SYT17: variants seen among roughly 807,000 people sequenced by gnomAD.
The protein encoded by SYT17 is synaptotagmin-17.
SYT17 carries 22 observed loss-of-function variants against 46.7 expected under a neutral mutation model. The observed-to-expected ratio is 0.47, with a 90% CI of 0.34 to 0.67. The LOEUF (loss-of-function observed/expected upper bound fraction) is 0.67. Ranked by LOEUF, SYT17 falls within the 30% of genes least tolerant of loss-of-function variation. SYT17 has a pLI of 0.01. For synonymous variants in SYT17, 251 were observed against 248.4 expected, an observed-to-expected ratio of 1.01 and a Z score of -0.10; for missense variants, 519 against 612.8, an observed-to-expected ratio of 0.85 and a Z score of 1.62.
Position 19,211,267 on chromosome 16 carries a change from C to T in SYT17, c.952-11778C>T, listed in dbSNP as rs1235248288. ...CCAGTTCCTTCTCCTGTCTTGGCTT[C>T]GATTCTGTGGGGGTTGGATAGGACA... On this transcript the variant is annotated intron_variant, in intron 5 of 7. Transcript: ENST00000355377. 3.5e-5 allele frequency: 19 copies of T among 543,176 alleles called. 1 individual carries two copies. Among genetic ancestry groups the T allele is most frequent in the South Asian group, 8.2e-5 (3 of 36,758 alleles). The allele number at this position is 543,176 out of a possible 1,614,324, so 33.6% of individuals were successfully genotyped here. A position where few individuals can be genotyped will look rare whatever the true frequency, so the allele number is the denominator to read the frequency against.
At chr16:19,207,315 A>G (rs1965710856) in intron 5 of SYT17, among the ~76,000 whole-genome samples, 1 of 152,208 alleles carries the variant, frequency 6.6e-6, no homozygotes, top group Non-Finnish European at 1.5e-5. Context: ...AAATGGACTA[A>G]GACAGTCATA....
chr16:19,175,754 G>C (rs1329151774), intron 3 of SYT17, among the ~76,000 whole-genome samples: 4 of 152,082 alleles, frequency 2.6e-5, no homozygotes, highest in African/African-American at 9.7e-5. Flanking sequence ...TCTCCATGTG[G>C]GCAGGGAGTT....
At chr16:19,172,708 A>G in intron 1 of SYT17, 52 bp from the exon 2 acceptor site, 1 of 1,606,708 alleles carries the variant, frequency 6.2e-7, no homozygotes, top group South Asian at 1.1e-5. Context: ...TCTTTCTTTA[A>G]CCCCTTCGTT....
intron 3 of SYT17, among the ~76,000 whole-genome samples, chr16:19,175,257 A>G (rs1194813513): frequency 6.6e-6 from 1 of 152,188 alleles, no homozygotes; most frequent in Admixed American, 6.5e-5. Context: ...TACAAACACA[A>G]TGTTAAAGAA....
chr16:19,170,890 C>T (rs1964054902), intron 1 of SYT17: 1 of 152,186 alleles, frequency 6.6e-6, no homozygotes. Flanking sequence ...TCCACTAGGT[C>T]TTGACAATCA....
chr16:19,261,856 T>C (rs1968997876), intron 7 of SYT17, among the ~76,000 whole-genome samples: 1 of 152,202 alleles, frequency 6.6e-6, no homozygotes, highest in Admixed American at 6.5e-5. Flanking sequence ...ATTTCCGTGG[T>C]ATTATTATCT....
chr16:19,194,058 CCTT>C (rs755132597), intron 5 of SYT17, among the ~76,000 whole-genome samples: 32 of 152,286 alleles, frequency 2.1e-4, no homozygotes, highest in Non-Finnish European at 3.4e-4. Context: ...CCATGCCTCA[CCTT>C]CTCCCTGCTT....
chr16:19,232,652 A>G (rs1966743648), intron 7 of SYT17, among the ~76,000 whole-genome samples: 1 of 151,908 alleles, frequency 6.6e-6, no homozygotes, highest in African/African-American at 2.4e-5. Flanking sequence ...GCAGCATGGC[A>G]AAACCCCATC....
chr16:19,211,351 C>T (rs1322069928), intron 5 of SYT17: 4 of 697,074 alleles, frequency 5.7e-6, no homozygotes, highest in Admixed American at 4.0e-5. Context: ...GCAGCTCAGC[C>T]TCTGTGTTGG....
intron 5 of SYT17, among the ~76,000 whole-genome samples, chr16:19,220,515 T>TCTTG: frequency 6.6e-6 from 1 of 152,082 alleles, no homozygotes; most frequent in South Asian, 2.1e-4. Flanking sequence ...GCCAGGTTGG[T>TCTTG]CTTGAACTCG....
At chr16:19,214,798 T>C (rs1966031408) in intron 5 of SYT17, among the ~76,000 whole-genome samples, 1 of 151,870 alleles carries the variant, frequency 6.6e-6, no homozygotes, top group Admixed American at 6.6e-5. Context: ...AATTCTCTTT[T>C]TTTTTTTTTG....
chr16:19,248,073 A>G (rs60774991), intron 7 of SYT17, among the ~76,000 whole-genome samples: 6,511 of 152,326 alleles, frequency 0.043, 512 homozygotes, highest in African/African-American at 0.15. Flanking sequence ...TTGAAAAGGC[A>G]CACCGCACAA....
rs185175545 is a variant in SYT17, at chr16:19,258,755, G to A, written c.1229-8125G>A. 3.0e-3 allele frequency among the ~76,000 whole-genome samples: 451 copies of A among 152,258 alleles called. 1 individual carries two copies. Among genetic ancestry groups the A allele is most frequent in the Non-Finnish European group, 4.8e-3 (325 of 68,016 alleles). On this transcript the variant is annotated intron_variant, in intron 7 of 7. Coordinates refer to ENST00000355377, the MANE Select transcript of SYT17 (RefSeq NM_016524.4). ...ATTTTAGAGTGCCTAGGACAGCACCGCAAAACACAGAATGATCTGGCCCAT... is the reference window on the plus strand; with the variant it reads ...ATTTTAGAGTGCCTAGGACAGCACCACAAAACACAGAATGATCTGGCCCAT...
At chr16:19,240,339 AC>A (rs1460084264) in intron 7 of SYT17, among the ~76,000 whole-genome samples, 4 of 149,386 alleles carry the variant, frequency 2.7e-5, no homozygotes, top group Non-Finnish European at 6.0e-5. Flanking sequence ...CTCAGAGGGG[AC>A]CCGTAACAGG....
chr16:19,223,219 T>C, intron 6 of SYT17, 54 bp downstream of exon 6: 1 of 1,593,664 alleles, frequency 6.3e-7, no homozygotes. Context: ...TCTGTGTTTG[T>C]GTGGAGAACC....
chr16:19,205,087 C>A (rs1965612814), intron 5 of SYT17, among the ~76,000 whole-genome samples: 1 of 152,202 alleles, frequency 6.6e-6, no homozygotes, highest in Non-Finnish European at 1.5e-5. Flanking sequence ...TGCTTCATTC[C>A]TTTGCATTGC....
chr16:19,244,489 G>A (rs544995990), intron 7 of SYT17, among the ~76,000 whole-genome samples: 8 of 152,008 alleles, frequency 5.3e-5, no homozygotes, highest in Admixed American at 2.6e-4. Context: ...ATGTGCCACC[G>A]TGCCTGCCAT....
rs1969484798 is a variant in SYT17 at position 19,268,092 on chromosome 16, T to A, written c.*1016T>A. 1 of 152,162 alleles carries A rather than the reference T, an allele frequency of 6.6e-6. No individual in the cohort carries two copies. The allele number at this position is 152,162 out of a possible 1,614,324, so 9.4% of individuals were successfully genotyped here. ...GGATTAAAATGGCTATCACACCCCA[T>A]CCATGATGATCTTCTTCCTTAATCA... On this transcript the variant is annotated 3_prime_UTR_variant, in exon 8 of 8. Transcript: ENST00000355377.
In SYT17 at chr16:19,231,926, A is replaced by G. The variant is rs74011548; in HGVS notation, c.1228+7088A>G. On this transcript the variant is annotated intron_variant, in intron 7 of 7. Coordinates refer to ENST00000355377, the MANE Select transcript of SYT17 (RefSeq NM_016524.4). ...AATTGGTCTAAGGGCTCTGAAGGAG[A>G]GATGCAGGGCACATTTCAGAGTGTC... 7.4e-3 allele frequency among the ~76,000 whole-genome samples: 1,120 copies of G among 152,280 alleles called. 19 individuals carry two copies. The highest frequency in any genetic ancestry group is 0.025 in the African/African-American group (1,032 of 41,538).
Sources: allele counts gnomAD v4.1 joint callset (sites outside exome capture counted in the v4.1 genomes callset), GRCh38; gene constraint gnomAD v4.1.1; transcripts MANE v1.5; gene names NCBI Gene and HGNC (gene_info 2026-07-23, HGNC 2026-07-21).